CDK14: variants seen among roughly 807,000 people sequenced by gnomAD.
CDK14 encodes the protein cyclin-dependent kinase 14.
A neutral mutation model predicts 60.7 loss-of-function variants in CDK14; 34 were observed. That is an observed-to-expected ratio of 0.56 (90% CI 0.43 to 0.75). The LOEUF (loss-of-function observed/expected upper bound fraction) is 0.75, where lower values mean the gene tolerates loss of function less well. Ranked by LOEUF, CDK14 falls within the 30% of genes least tolerant of loss-of-function variation. CDK14 has a pLI of 0.00. For synonymous variants in CDK14, 197 were observed against 203.7 expected (o/e 0.97, Z 0.28); for missense variants, 482 against 564.1 (o/e 0.85, Z 1.47).
intron 6 of CDK14, among the ~76,000 whole-genome samples, chr7:90,876,151 A>G (rs1791553257): frequency 6.6e-6 from 1 of 152,220 alleles, no homozygotes; most frequent in South Asian, 2.1e-4. Context: ...TATGAATTTC[A>G]CTGTAGGTAC....
chr7:91,066,844 A>G (rs1323283769), intron 11 of CDK14, among the ~76,000 whole-genome samples: 1 of 152,066 alleles, frequency 6.6e-6, no homozygotes, highest in African/African-American at 2.4e-5. Flanking sequence ...AAGCTCTCCT[A>G]CCTGATCTCC....
At chr7:91,128,491 T>G (rs553839115) in intron 14 of CDK14, among the ~76,000 whole-genome samples, 2 of 152,328 alleles carry the variant, frequency 1.3e-5, no homozygotes, top group East Asian at 3.9e-4. Context: ...CTGTCTGAAA[T>G]GTTCACCTAA....
At chr7:90,775,451 A>G (rs1804983679) in intron 4 of CDK14, among the ~76,000 whole-genome samples, 1 of 151,814 alleles carries the variant, frequency 6.6e-6, no homozygotes, top group Non-Finnish European at 1.5e-5. Context: ...TCTGTGGGAA[A>G]AAAAAGCTAC....
intron 12 of CDK14, among the ~76,000 whole-genome samples, chr7:91,097,299 T>C (rs1799022128): frequency 2.0e-5 from 3 of 151,868 alleles, no homozygotes; most frequent in Admixed American, 6.6e-5. Flanking sequence ...GACAGTTGCT[T>C]GAACCCAGGA....
chr7:90,971,914 A>G (rs146074323), intron 9 of CDK14, among the ~76,000 whole-genome samples: 21 of 152,278 alleles, frequency 1.4e-4, no homozygotes, highest in South Asian at 4.1e-4. Flanking sequence ...AGAGGATTCT[A>G]ATCACTTGCC....
chr7:90,636,558 G>C (rs1473993806), intron 2 of CDK14, among the ~76,000 whole-genome samples: 1 of 151,684 alleles, frequency 6.6e-6, no homozygotes, highest in East Asian at 2.0e-4. Flanking sequence ...GAGGATTTTT[G>C]CATCAATGTT....
At chr7:91,164,404 G>A (rs945447273) in intron 14 of CDK14, among the ~76,000 whole-genome samples, 8 of 152,060 alleles carry the variant, frequency 5.3e-5, no homozygotes, top group African/African-American at 1.7e-4. Context: ...AGCTACTATC[G>A]TCAGCCCCAT....
chr7:90,991,327 A>G (rs1420309571), intron 10 of CDK14, among the ~76,000 whole-genome samples: 2 of 152,098 alleles, frequency 1.3e-5, no homozygotes, highest in Non-Finnish European at 2.9e-5. Flanking sequence ...TGGTTCCCAC[A>G]TCGTATTAGT....
chr7:91,204,503 G>A (rs1361657801), intron 14 of CDK14, among the ~76,000 whole-genome samples: 1 of 152,176 alleles, frequency 6.6e-6, no homozygotes, highest in African/African-American at 2.4e-5. Flanking sequence ...CTATGGAATT[G>A]GAGAAAAATC....
chr7:90,961,234 G>A (rs1192137119), intron 9 of CDK14, among the ~76,000 whole-genome samples: 1 of 152,122 alleles, frequency 6.6e-6, no homozygotes, highest in African/African-American at 2.4e-5. Flanking sequence ...TCTGAGTCAT[G>A]TCCTTTGCAT....
At chr7:90,849,742 A>G (rs1790587429) in intron 5 of CDK14, among the ~76,000 whole-genome samples, 1 of 152,028 alleles carries the variant, frequency 6.6e-6, no homozygotes, top group Non-Finnish European at 1.5e-5. Context: ...TGATCTTTAA[A>G]TACCTGACAA....
rs1485025266 is a variant in CDK14, at chr7:90,917,626, G to C, written c.728G>C (p.Gly243Ala). The change falls in exon 8 of 15, where the codon GGT (glycine) becomes GCT (alanine). Residue 243 changes from glycine to alanine, a missense_variant. Transcript: ENST00000380050. The part of the protein sequence containing the change: ...VKLFLFQLLR[G>A]LSYIHQRYIL... ...TTGTTTTTATTTCAGTTGCTGCGAG[G>C]TCTGTCTTACATCCACCAGCGTTAT... 1.9e-6 allele frequency: 3 copies of C among 1,612,804 alleles called. No individual in the cohort carries two copies. In the Admixed American group the frequency reaches 5.0e-5, roughly 27 times the overall value.
intron 14 of CDK14, among the ~76,000 whole-genome samples, chr7:91,119,620 G>A (rs1029025610): frequency 6.6e-6 from 1 of 152,218 alleles, no homozygotes; most frequent in Admixed American, 6.5e-5. Flanking sequence ...GGTAAAGAGA[G>A]CAAATTTTAA....
At chr7:90,948,279 A>G (rs1002398358) in intron 8 of CDK14, among the ~76,000 whole-genome samples, 1 of 152,256 alleles carries the variant, frequency 6.6e-6, no homozygotes, top group African/African-American at 2.4e-5. Flanking sequence ...CAGAAACTAG[A>G]AAATGAGATG....
intron 10 of CDK14, among the ~76,000 whole-genome samples, chr7:90,992,016 T>G (rs929784337): frequency 6.6e-6 from 1 of 152,194 alleles, no homozygotes; most frequent in Non-Finnish European, 1.5e-5. Context: ...TCAGAAGAGA[T>G]CCAGTGAAAA....
Position 90,679,072 on chromosome 7 carries a change from C to T in CDK14, c.124-47495C>T, listed in dbSNP as rs780684998. 1.5e-4 allele frequency among the ~76,000 whole-genome samples: 23 copies of T among 152,262 alleles called. No individual in the cohort carries two copies. The Middle Eastern group carries it at 0.014, about 90-fold the overall frequency. On this transcript the variant is annotated intron_variant, in intron 2 of 14. Coordinates refer to ENST00000380050, the MANE Select transcript of CDK14 (RefSeq NM_001287135.2). ...TCAAGCAATCCTCCCACCTCAGCCC[C>T]CCAAGTAGCTGGGACTACAGGCACA... is the stretch of plus-strand genomic sequence containing the variant.
intron 12 of CDK14, among the ~76,000 whole-genome samples, chr7:91,084,939 G>A (rs1798592438): frequency 6.6e-6 from 1 of 152,192 alleles, no homozygotes; most frequent in Non-Finnish European, 1.5e-5. Context: ...TCTAGAGGCA[G>A]CTGGGCTGCT....
chr7:90,899,462 G>T, intron 7 of CDK14, 109 bp downstream of exon 7: 1 of 703,586 alleles, frequency 1.4e-6, no homozygotes, highest in Non-Finnish European at 2.2e-6. Flanking sequence ...AATTTTTTGT[G>T]TAAAGAGAAG....
intron 14 of CDK14, among the ~76,000 whole-genome samples, chr7:91,147,541 C>T (rs999867724): frequency 1.3e-5 from 2 of 152,200 alleles, no homozygotes; most frequent in Non-Finnish European, 2.9e-5. Flanking sequence ...ATTATATCCT[C>T]TGCTTATTTA....
Sources: allele counts gnomAD v4.1 joint callset (sites outside exome capture counted in the v4.1 genomes callset), GRCh38; gene constraint gnomAD v4.1.1; transcripts MANE v1.5; gene names NCBI Gene and HGNC (gene_info 2026-07-23, HGNC 2026-07-21).